ECPAS: variants seen among roughly 807,000 people sequenced by gnomAD.
The protein encoded by ECPAS is Ecm29 proteasome adaptor and scaffold, also known as proteasome adapter and scaffold protein ECM29.
ECPAS carries 70 observed loss-of-function variants against 255.1 expected under a neutral mutation model. The ratio of observed to expected loss-of-function variants is 0.27; its 90% CI spans 0.23 to 0.33. The LOEUF (loss-of-function observed/expected upper bound fraction) is 0.33, where lower values mean the gene tolerates loss of function less well. Among genes scored for constraint, ECPAS ranks in the 10% least tolerant of loss-of-function variants. ECPAS has a pLI of 1.00. For synonymous variants in ECPAS, 784 were observed against 775.0 expected (o/e 1.01, Z -0.19); for missense variants, 1,817 against 2,206.4 (o/e 0.82, Z 3.54).
chr9:111,386,076 G>A (rs2098147916), intron 32 of ECPAS, among the ~76,000 whole-genome samples: 2 of 152,146 alleles, frequency 1.3e-5, no homozygotes, highest in Admixed American at 6.5e-5. Context: ...CGATTCTCCT[G>A]CCTCAGCCTC....
At chr9:111,405,821 G>A (rs1213040232) in intron 24 of ECPAS, among the ~76,000 whole-genome samples, 1 of 149,600 alleles carries the variant, frequency 6.7e-6, no homozygotes, top group Non-Finnish European at 1.5e-5. Context: ...TAGAAATACA[G>A]AGAAAAACCA....
chr9:111,439,992 A>G (rs2098243587), intron 6 of ECPAS, among the ~76,000 whole-genome samples: 1 of 152,176 alleles, frequency 6.6e-6, no homozygotes, highest in Non-Finnish European at 1.5e-5. Flanking sequence ...CTAGGTGGCA[A>G]AGAGAACCAT....
At chr9:111,376,214 T>G (rs757833803) in intron 37 of ECPAS, among the ~76,000 whole-genome samples, 5 of 152,184 alleles carry the variant, frequency 3.3e-5, no homozygotes, top group Admixed American at 1.3e-4. Context: ...AGACTACAGA[T>G]GTAAATTTAT....
intron 3 of ECPAS, among the ~76,000 whole-genome samples, chr9:111,450,581 A>C (rs2098259077): frequency 6.6e-6 from 1 of 152,218 alleles, no homozygotes; most frequent in African/African-American, 2.4e-5. Flanking sequence ...AGACTAATGA[A>C]ATATTCTACA....
At chr9:111,415,037 G>C (rs1424487442) in intron 18 of ECPAS, among the ~76,000 whole-genome samples, 1 of 152,140 alleles carries the variant, frequency 6.6e-6, no homozygotes, top group Non-Finnish European at 1.5e-5. Flanking sequence ...TACTTGAGGA[G>C]AGAGGGTGGG....
intron 10 of ECPAS, among the ~76,000 whole-genome samples, chr9:111,427,376 G>A (rs2098223345): frequency 2.0e-5 from 3 of 152,174 alleles, no homozygotes; most frequent in Non-Finnish European, 4.4e-5. Flanking sequence ...GGATGACTCA[G>A]CTTTGTCACT....
At chr9:111,364,790 C>A (rs2098118257) in intron 48 of ECPAS, among the ~76,000 whole-genome samples, 1 of 152,132 alleles carries the variant, frequency 6.6e-6, no homozygotes, top group Non-Finnish European at 1.5e-5. Flanking sequence ...ACACTGTGTG[C>A]CTCTTAATGT....
intron 2 of ECPAS, among the ~76,000 whole-genome samples, chr9:111,469,612 C>T (rs2098284142): frequency 1.3e-5 from 2 of 151,746 alleles, no homozygotes; most frequent in African/African-American, 4.8e-5. Context: ...AGATCGAGAC[C>T]ACCCTGGTTA....
At chr9:111,434,733 G>GCACA (rs2098235250) in intron 7 of ECPAS, among the ~76,000 whole-genome samples, 1 of 151,626 alleles carries the variant, frequency 6.6e-6, no homozygotes, top group South Asian at 2.1e-4. Context: ...GGGGCTACAG[G>GCACA]CACACACACC....
rs1396192419 is a variant in ECPAS, at chr9:111,403,427, TC to T, written c.2652+5143del. Among the ~76,000 whole-genome samples the T allele has an allele frequency of 5.9e-5, 8 of 136,046 alleles. 1 individual carries two copies. Among genetic ancestry groups the T allele is most frequent in the African/African-American group, 2.7e-4 (8 of 30,008 alleles). The allele number at this position is 136,046 out of a possible 152,430, so 89.3% of individuals were successfully genotyped here. On this transcript the variant is annotated intron_variant, in intron 24 of 49. Coordinates refer to ENST00000684092, the MANE Select transcript of ECPAS (RefSeq NM_001364929.1). ...AAGGTAAAGGTATGAAAAAGATACT[TC>T]CATGCAAATGAAAACCAAAAAAGAA... is the stretch of plus-strand genomic sequence containing the variant.
chr9:111,425,544 T>A, intron 11 of ECPAS, 48 bp from the exon 12 acceptor site: 2 of 1,281,432 alleles, frequency 1.6e-6, no homozygotes, highest in Non-Finnish European at 2.2e-6. Flanking sequence ...ATCTCATGAC[T>A]ACATATCTTT....
chr9:111,441,959 T>A (rs2098246538), intron 5 of ECPAS, among the ~76,000 whole-genome samples: 1 of 152,222 alleles, frequency 6.6e-6, no homozygotes, highest in South Asian at 2.1e-4. Context: ...GGAAAACCAC[T>A]GTGAAACTTT....
At chr9:111,434,501 A>G (rs1354871233) in intron 7 of ECPAS, among the ~76,000 whole-genome samples, 1 of 151,994 alleles carries the variant, frequency 6.6e-6, no homozygotes, top group Non-Finnish European at 1.5e-5. Flanking sequence ...GTAGAAATGT[A>G]TTGTTTAAAA....
chr9:111,461,386 G>T (rs1053398866), intron 2 of ECPAS, among the ~76,000 whole-genome samples: 2 of 151,998 alleles, frequency 1.3e-5, no homozygotes, highest in Non-Finnish European at 2.9e-5. Context: ...AACTGCTTGA[G>T]CCCAGGAGGT....
At chr9:111,434,219 T>A (rs188660989) in intron 7 of ECPAS, among the ~76,000 whole-genome samples, 1 of 152,112 alleles carries the variant, frequency 6.6e-6, no homozygotes, top group Admixed American at 6.5e-5. Flanking sequence ...CCCTGCTCGA[T>A]ACAACTTACT....
intron 1 of ECPAS, among the ~76,000 whole-genome samples, chr9:111,479,485 C>T (rs2098300834): frequency 6.6e-6 from 1 of 151,500 alleles, no homozygotes; most frequent in Admixed American, 6.6e-5. Context: ...CCCAGCTACT[C>T]GGGAGACTGA....
At chr9:111,470,744 C>T (rs911476274) in intron 2 of ECPAS, among the ~76,000 whole-genome samples, 1 of 60,574 alleles carries the variant, frequency 1.7e-5, no homozygotes, top group Non-Finnish European at 3.6e-5. Flanking sequence ...CCTCTCCTCC[C>T]GCCACACACA....
intron 24 of ECPAS, among the ~76,000 whole-genome samples, chr9:111,402,861 T>C (rs1430009705): frequency 6.6e-6 from 1 of 151,436 alleles, no homozygotes; most frequent in Non-Finnish European, 1.5e-5. Context: ...TGAGAAAAAA[T>C]CATTTATCCA....
At chr9:111,423,394 A>G (rs1365430371) in intron 12 of ECPAS, 146 bp from the exon 13 acceptor site, 14 of 624,910 alleles carry the variant, frequency 2.2e-5, no homozygotes, top group Non-Finnish European at 3.1e-5. Flanking sequence ...GTCTAACTAC[A>G]TGGTGTTAGC....
Sources: allele counts gnomAD v4.1 joint callset (sites outside exome capture counted in the v4.1 genomes callset), GRCh38; gene constraint gnomAD v4.1.1; transcripts MANE v1.5; gene names NCBI Gene and HGNC (gene_info 2026-07-23, HGNC 2026-07-21).